Variants in ZNF564 observed in about 807,000 individuals in gnomAD.
ZNF564 encodes the protein zinc finger protein 564.
ZNF564 carries 5 observed loss-of-function variants against 10.5 expected under a neutral mutation model. That is an observed-to-expected ratio of 0.48 (90% CI 0.25 to 1.00). The LOEUF (loss-of-function observed/expected upper bound fraction) is 1.00, where lower values mean the gene tolerates loss of function less well. ZNF564 is among the 50% of genes least tolerant of loss of function. The pLI is 0.16. For missense variants in ZNF564, 603 were observed against 669.7 expected (o/e 0.90, Z 1.10); for synonymous variants, 242 against 218.1 (o/e 1.11, Z -0.97).
Position 12,526,710 on chromosome 19 carries a change from T to A in ZNF564, c.1398A>T (p.Thr466=), listed in dbSNP as rs2021691451. Residue 466 remains threonine, a synonymous_variant, in exon 4 of 4, where the codon ACA becomes ACT. Coordinates refer to ENST00000339282, the MANE Select transcript of ZNF564 (RefSeq NM_144976.4). ...TTTCTCCAGTATGAGTTCTTTCATG[T>A]GTTCGGACAGAACTAGGACAGTCAA... is the stretch of plus-strand genomic sequence containing the variant. ...KAFDCPSSVR[T]HERTHTGEKP... 6.2e-7 allele frequency: 1 copy of A among 1,614,230 alleles called. No individual in the cohort carries two copies. Among genetic ancestry groups the A allele is most frequent in the African/African-American group, 1.3e-5 (1 of 75,084 alleles).
chr19:12,548,035 T>C (rs2022185759), intron 1 of ZNF564: 1 of 361,194 alleles, frequency 2.8e-6, no homozygotes, highest in South Asian at 1.1e-4. Flanking sequence ...GGTCTCAAAC[T>C]CACCTCAGGT....
chr19:12,545,358 G>A (rs566896887), intron 1 of ZNF564, among the ~76,000 whole-genome samples: 2 of 151,668 alleles, frequency 1.3e-5, no homozygotes, highest in Non-Finnish European at 2.9e-5. Flanking sequence ...TCACGGTCTC[G>A]ATTCTCACCA....
At position 12,528,009 on chromosome 19, in the gene ZNF564, G is replaced by C. The variant is rs1280673126; in HGVS notation, c.192-93C>G. 3.0e-5 allele frequency: 42 copies of C among 1,399,682 alleles called. 1 individual carries two copies. Among genetic ancestry groups the C allele is most frequent in the Middle Eastern group, 3.9e-4 (2 of 5,120 alleles). The allele number at this position is 1,399,682 out of a possible 1,614,324, so 86.7% of individuals were successfully genotyped here. ...CATTTTTACCATAATCGCGGAAAGG[G>C]TAAGTTTTCAGGCCTGTATGAATTG... On this transcript the variant is annotated intron_variant, in intron 3 of 3. Coordinates refer to ENST00000339282, the MANE Select transcript of ZNF564 (RefSeq NM_144976.4).
intron 1 of ZNF564, among the ~76,000 whole-genome samples, chr19:12,529,052 G>A (rs556754053): frequency 6.6e-6 from 1 of 152,292 alleles, no homozygotes; most frequent in African/African-American, 2.4e-5. Context: ...CTGACAGAGA[G>A]AGACCCCATC....
chr19:12,538,798 G>C (rs1030284377), intron 1 of ZNF564, among the ~76,000 whole-genome samples: 1 of 151,584 alleles, frequency 6.6e-6, no homozygotes, highest in Non-Finnish European at 1.5e-5. Context: ...GACAGAGCAA[G>C]ACCCTGTCTC....
At chr19:12,535,073 ATTT>A (rs2021883517) in intron 1 of ZNF564, among the ~76,000 whole-genome samples, 1 of 152,040 alleles carries the variant, frequency 6.6e-6, no homozygotes, top group African/African-American at 2.4e-5. Flanking sequence ...CATAGAGGAA[ATTT>A]AAAAGTACGT....
intron 1 of ZNF564, among the ~76,000 whole-genome samples, chr19:12,536,226 G>T (rs1237726800): frequency 1.3e-5 from 2 of 152,046 alleles, no homozygotes; most frequent in South Asian, 4.1e-4. Flanking sequence ...ACCCAGATTG[G>T]AGTGCAGTGG....
intron 1 of ZNF564, among the ~76,000 whole-genome samples, chr19:12,547,811 CTTTT>C (rs553349695): frequency 1.4e-5 from 2 of 139,944 alleles, no homozygotes; most frequent in Non-Finnish European, 3.1e-5. Flanking sequence ...TATTCACTTA[CTTTT>C]TTTTTTTTTT....
Position 12,527,669 on chromosome 19 carries a change from C to T in ZNF564, c.439G>A (p.Gly147Arg), listed in dbSNP as rs761852519. The change falls in exon 4 of 4, where the codon GGG (glycine) becomes AGG (arginine). Residue 147 changes from glycine to arginine, a missense_variant. Gly to Arg is a moderately radical substitution (Grantham distance 125). Coordinates refer to ENST00000339282, the MANE Select transcript of ZNF564 (RefSeq NM_144976.4). ...GEKPYKCKQC[G>R]KAFSSCQSFR... ...GATTGACAAGAACTGAAGGCTTTCCCACACTGCTTACATTTATATGGTTTC... is the reference window on the plus strand; with the variant it reads ...GATTGACAAGAACTGAAGGCTTTCCTACACTGCTTACATTTATATGGTTTC... 1 of 1,614,160 alleles carries T rather than the reference C, an allele frequency of 6.2e-7. No homozygotes were observed.
intron 1 of ZNF564, among the ~76,000 whole-genome samples, chr19:12,532,561 A>T (rs2021831117): frequency 1.3e-5 from 2 of 149,610 alleles, no homozygotes; most frequent in South Asian, 4.2e-4. Context: ...AAAAAAAAAA[A>T]ATTTTTTTTT....
intron 3 of ZNF564, 134 bp downstream of exon 3, chr19:12,528,169 CT>C: frequency 1.1e-6 from 1 of 947,894 alleles, no homozygotes; most frequent in South Asian, 1.6e-5. Context: ...ATCTATGCCA[CT>C]TTTTCTTTTT....
chr19:12,539,237 T>G (rs566494256), intron 1 of ZNF564, among the ~76,000 whole-genome samples: 2 of 85,372 alleles, frequency 2.3e-5, no homozygotes, highest in Admixed American at 1.5e-4. Flanking sequence ...CGAGACTCCA[T>G]CTCAAAAAAA....
At chr19:12,541,134 C>T (rs1023491325) in intron 1 of ZNF564, among the ~76,000 whole-genome samples, 1 of 150,930 alleles carries the variant, frequency 6.6e-6, no homozygotes, top group Admixed American at 6.6e-5. Flanking sequence ...CCTGCAGTTC[C>T]AGCTACTCAA....
intron 1 of ZNF564, among the ~76,000 whole-genome samples, chr19:12,536,937 A>C (rs1014140520): frequency 1.3e-5 from 2 of 152,214 alleles, no homozygotes; most frequent in Non-Finnish European, 2.9e-5. Context: ...CCTCAAAAAT[A>C]AGCCCATGTA....
chr19:12,529,353 C>T (rs761503412), intron 1 of ZNF564, among the ~76,000 whole-genome samples: 43 of 152,076 alleles, frequency 2.8e-4, no homozygotes, highest in Non-Finnish European at 6.2e-4. Context: ...CACCTGTAAT[C>T]CCAGCACTTT....
At chr19:12,539,777 C>T (rs1266492680) in intron 1 of ZNF564, among the ~76,000 whole-genome samples, 1 of 151,938 alleles carries the variant, frequency 6.6e-6, no homozygotes, top group Non-Finnish European at 1.5e-5. Context: ...AGATAAAGAC[C>T]ATCCTGGCTA....
intron 1 of ZNF564, among the ~76,000 whole-genome samples, chr19:12,532,106 T>G (rs2021813076): frequency 6.6e-6 from 1 of 152,034 alleles, no homozygotes; most frequent in Non-Finnish European, 1.5e-5. Context: ...TCCCAGCTAC[T>G]TAGGAGGCTG....
chr19:12,532,331 T>G (rs2901946), intron 1 of ZNF564, among the ~76,000 whole-genome samples: 8 of 149,746 alleles, frequency 5.3e-5, no homozygotes, highest in Non-Finnish European at 8.9e-5. Flanking sequence ...GTCAGGAGAT[T>G]GAGACCATCC....
intron 1 of ZNF564, among the ~76,000 whole-genome samples, chr19:12,533,197 A>G (rs933010586): frequency 3.3e-5 from 5 of 152,236 alleles, no homozygotes; most frequent in East Asian, 1.9e-4. Flanking sequence ...CTAGAAATCA[A>G]TAACAGAGAT....
Sources: gnomAD v4.1 joint callset for allele counts (sites outside exome capture counted in the v4.1 genomes callset) on GRCh38, gnomAD v4.1.1 for gene constraint, MANE v1.5 for transcripts, NCBI Gene and HGNC (gene_info 2026-07-23, HGNC 2026-07-21) for gene names.